The following KAZN variants were observed in gnomAD, a reference collection of about 807,000 sequenced individuals.
KAZN encodes the protein kazrin.
A neutral mutation model predicts 87.4 loss-of-function variants in KAZN; 40 were observed. That is an observed-to-expected ratio of 0.46 (90% confidence interval 0.36 to 0.60). The LOEUF is 0.60. Among genes scored for constraint, KAZN ranks in the 20% least tolerant of loss-of-function variants. KAZN has a pLI of 0.00. For missense variants in KAZN, 898 were observed against 1,073.9 expected (o/e 0.84, Z 2.29); for synonymous variants, 466 against 458.3 (o/e 1.02, Z -0.22).
At chr1:14,697,756 C>G (rs909203003) in intron 1 of KAZN, among the ~76,000 whole-genome samples, 7 of 152,256 alleles carry the variant, frequency 4.6e-5, no homozygotes, top group Admixed American at 3.9e-4. Context: ...CTTTGAACTT[C>G]ACGTTTTCCT....
intron 1 of KAZN, among the ~76,000 whole-genome samples, chr1:14,107,698 A>G (rs1236013852): frequency 6.6e-6 from 1 of 152,152 alleles, no homozygotes; most frequent in Non-Finnish European, 1.5e-5. Context: ...CCTATGAGAT[A>G]GGGTGGGCGG....
intron 2 of KAZN, among the ~76,000 whole-genome samples, chr1:14,349,650 G>GT (rs1289088808): frequency 1.3e-5 from 2 of 152,112 alleles, no homozygotes; most frequent in African/African-American, 4.8e-5. Context: ...AGACATTTGA[G>GT]TTTGAGACCC....
chr1:14,595,341 T>C (rs1676426195), upstream of KAZN, among the ~76,000 whole-genome samples: 1 of 152,014 alleles, frequency 6.6e-6, no homozygotes, highest in African/African-American at 2.4e-5. Context: ...TTTTGTTCCT[T>C]GAGGTCACCT....
At chr1:14,755,578 A>T (rs1174870341) in intron 1 of KAZN, among the ~76,000 whole-genome samples, 1 of 152,224 alleles carries the variant, frequency 6.6e-6, no homozygotes, top group East Asian at 1.9e-4. Flanking sequence ...GCTGATTCCC[A>T]CAAGTGGCAG....
At chr1:14,383,328 C>G (rs902745839) in intron 2 of KAZN, among the ~76,000 whole-genome samples, 1 of 150,810 alleles carries the variant, frequency 6.6e-6, no homozygotes, top group Admixed American at 6.6e-5. Flanking sequence ...AATTAGATCC[C>G]ATTTGTCAAT....
chr1:14,882,187 A>G (rs960710063), intron 1 of KAZN, among the ~76,000 whole-genome samples: 3 of 152,172 alleles, frequency 2.0e-5, no homozygotes, highest in Admixed American at 6.5e-5. Context: ...ACTGAACAGG[A>G]AGTGTTGTTA....
chr1:14,194,833 T>A (rs1646493626), intron 2 of KAZN, among the ~76,000 whole-genome samples: 1 of 151,972 alleles, frequency 6.6e-6, no homozygotes, highest in South Asian at 2.1e-4. Context: ...TCTGGAGTAG[T>A]TTGTATAATT....
rs1658936409 is a variant in KAZN at position 14,355,423 on chromosome 1, TTTATTTA to T, written c.249+174834_249+174840del. Among the ~76,000 whole-genome samples, 3 of 151,538 alleles carry T rather than the reference TTTATTTA, an allele frequency of 2.0e-5. 1 individual carries two copies. The South Asian group carries it at 6.2e-4, about 32-fold the overall frequency. On this transcript the variant is annotated intron_variant, in intron 2 of 16. Coordinates refer to the KAZN transcript ENST00000636203. ...ACATATTTATTTATTTATTTATTTA[TTTATTTA>T]TTTATTTATATTATACTTTAAGTTC...
intron 2 of KAZN, among the ~76,000 whole-genome samples, chr1:14,245,116 A>C (rs191065594): frequency 2.0e-5 from 3 of 152,018 alleles, no homozygotes; most frequent in African/African-American, 7.2e-5. Context: ...GCCCACCACC[A>C]CGCCTGGCTG....
chr1:14,117,133 C>T (rs939714612), intron 1 of KAZN, among the ~76,000 whole-genome samples: 23 of 152,064 alleles, frequency 1.5e-4, no homozygotes, highest in Admixed American at 3.9e-4. Context: ...TGAGTTAAGA[C>T]ATTGGGGAAC....
chr1:14,185,117 G>A (rs1330777754), intron 2 of KAZN, among the ~76,000 whole-genome samples: 1 of 152,154 alleles, frequency 6.6e-6, no homozygotes, highest in Non-Finnish European at 1.5e-5. Flanking sequence ...CTGGGCTTAA[G>A]AAGGTCACAG....
At chr1:14,860,530 T>C (rs539807055) in intron 1 of KAZN, among the ~76,000 whole-genome samples, 36 of 152,302 alleles carry the variant, frequency 2.4e-4, no homozygotes, top group Admixed American at 1.4e-3. Context: ...CTCTTCTTTC[T>C]GGCACTGTGG....
intron 2 of KAZN, among the ~76,000 whole-genome samples, chr1:14,277,090 C>T (rs1652419146): frequency 6.6e-6 from 1 of 152,088 alleles, no homozygotes. Context: ...TTTTTACAAT[C>T]TTTGTCTTAC....
chr1:15,048,856 C>G (rs1673969261), intron 4 of KAZN, among the ~76,000 whole-genome samples: 1 of 149,944 alleles, frequency 6.7e-6, no homozygotes, highest in Non-Finnish European at 1.5e-5. Context: ...GTCGTTGGTC[C>G]TTGGTCGTTG....
rs1639807112 is a variant in KAZN, at chr1:14,001,857, G to A, written c.91+108101G>A. Among the ~76,000 whole-genome samples the A allele has an allele frequency of 2.0e-5, 3 of 152,158 alleles. No individual in the cohort carries two copies. In the South Asian group the frequency reaches 6.2e-4, roughly 32 times the overall value. On this transcript the variant is annotated intron_variant, in intron 1 of 16. Transcript: ENST00000636203. ...CCTTATACAAAAATTAACTCAAGAT[G>A]GATTAAAGACTTAAATGTAAAACCC...
chr1:14,591,418 A>AACACACACACACACACACACACAC (rs36060158), intron 2 of KAZN, among the ~76,000 whole-genome samples: 7 of 147,294 alleles, frequency 4.8e-5, no homozygotes, highest in African/African-American at 1.8e-4. Context: ...GGAAAGAAGA[A>AACACACACACACACACACACACAC]ACACACACAC....
intron 2 of KAZN, among the ~76,000 whole-genome samples, chr1:14,474,579 T>C (rs1205926730): frequency 1.3e-5 from 2 of 152,102 alleles, no homozygotes; most frequent in African/African-American, 4.8e-5. Context: ...GTGTGAGAGG[T>C]GGTCGGAAGG....
chr1:14,554,739 A>C (rs1473084413), intron 2 of KAZN, among the ~76,000 whole-genome samples: 1 of 152,212 alleles, frequency 6.6e-6, no homozygotes, highest in African/African-American at 2.4e-5. Flanking sequence ...AATTAAGATC[A>C]AAACTGTCAT....
chr1:13,941,530 C>T (rs905367434), intron 1 of KAZN, among the ~76,000 whole-genome samples: 2 of 152,118 alleles, frequency 1.3e-5, no homozygotes, highest in Admixed American at 1.3e-4. Flanking sequence ...GATTTTTTGG[C>T]GAGTGCCTAT....
Sources: gnomAD v4.1 joint callset for allele counts (sites outside exome capture counted in the v4.1 genomes callset) on GRCh38, gnomAD v4.1.1 for gene constraint, MANE v1.5 for transcripts, NCBI Gene and HGNC (gene_info 2026-07-23, HGNC 2026-07-21) for gene names.